The following KCNH1 variants were observed in gnomAD, a reference collection of about 807,000 sequenced individuals.
The protein encoded by KCNH1 is voltage-gated delayed rectifier potassium channel KCNH1.
Under a neutral mutation model 69.2 loss-of-function variants are expected in KCNH1, and 27 were observed. The observed-to-expected ratio is 0.39, with a 90% CI of 0.29 to 0.54. KCNH1 has a LOEUF of 0.54. KCNH1 is among the 20% of genes least tolerant of loss of function. The pLI is 0.68. For missense variants in KCNH1, 798 were observed against 1,261.6 expected (o/e 0.63, Z 5.57); for synonymous variants, 456 against 487.7 (o/e 0.93, Z 0.86).
intron 7 of KCNH1, among the ~76,000 whole-genome samples, chr1:210,849,365 C>CTTTTTTTTT (rs150451228): frequency 2.3e-5 from 3 of 128,040 alleles, no homozygotes; most frequent in Non-Finnish European, 4.9e-5. Context: ...TTCTTTCTTT[C>CTTTTTTTTT]TTTTTTTTTT....
intron 6 of KCNH1, among the ~76,000 whole-genome samples, chr1:211,004,841 C>T (rs1282439991): frequency 6.6e-6 from 1 of 151,984 alleles, no homozygotes; most frequent in Admixed American, 6.6e-5. Flanking sequence ...TGGTGTTGCT[C>T]TATTAATATC....
At chr1:211,057,522 C>T (rs1690335088) in intron 5 of KCNH1, among the ~76,000 whole-genome samples, 1 of 152,010 alleles carries the variant, frequency 6.6e-6, no homozygotes, top group East Asian at 1.9e-4. Context: ...GCTTGTAGTC[C>T]CAGTTACTTG....
Position 211,065,897 on chromosome 1 carries a change from C to CA in KCNH1, c.558+16882dup, listed in dbSNP as rs1028230724. Among the ~76,000 whole-genome samples the CA allele has an allele frequency of 2.4e-4, 37 of 151,864 alleles. 1 individual carries two copies. The highest frequency in any genetic ancestry group is 2.6e-4 in the Admixed American group (4 of 15,252). ...CAACACAGTGAGACCCCCATCTCTA[C>CA]AAAAAAATGGAAAAATTAGGCATGG... On this transcript the variant is annotated intron_variant, in intron 5 of 10. Coordinates refer to ENST00000271751, the MANE Select transcript of KCNH1 (RefSeq NM_172362.3).
chr1:210,952,103 T>G (rs369478190), intron 6 of KCNH1, among the ~76,000 whole-genome samples: 1 of 152,312 alleles, frequency 6.6e-6, no homozygotes, highest in African/African-American at 2.4e-5. Flanking sequence ...GCACTTGGTC[T>G]TCCTCTCTGT....
chr1:210,690,981 C>T (rs1049657383), intron 10 of KCNH1, among the ~76,000 whole-genome samples: 1 of 152,188 alleles, frequency 6.6e-6, no homozygotes, highest in African/African-American at 2.4e-5. Flanking sequence ...CATGTGCACA[C>T]GCTTTGGAAG....
At chr1:210,729,852 A>C (rs11119583) in intron 10 of KCNH1, among the ~76,000 whole-genome samples, 102,333 of 152,052 alleles carry the variant, frequency 0.67, 35,210 homozygotes, top group Non-Finnish European at 0.75. Flanking sequence ...AAGTCAACAC[A>C]AGAGCCATGT....
intron 3 of KCNH1, among the ~76,000 whole-genome samples, chr1:211,100,670 T>C (rs958164465): frequency 6.6e-6 from 1 of 152,170 alleles, no homozygotes; most frequent in African/African-American, 2.4e-5. Context: ...TTTATATATT[T>C]ATTTACTCCA....
At chr1:210,981,321 TAGTCCCAGGGGCTCCTCA>T (rs1487662553) in intron 6 of KCNH1, among the ~76,000 whole-genome samples, 1 of 131,108 alleles carries the variant, frequency 7.6e-6, no homozygotes, top group East Asian at 2.3e-4. Context: ...CAACTACATC[TAGTCCCAGGGGCTCCTCA>T]GTCCATGAAT....
At chr1:210,975,603 G>T (rs1378761263) in intron 6 of KCNH1, among the ~76,000 whole-genome samples, 1 of 152,150 alleles carries the variant, frequency 6.6e-6, no homozygotes, top group African/African-American at 2.4e-5. Flanking sequence ...ATTAATTGAA[G>T]ATGGATTAAA....
intron 10 of KCNH1, among the ~76,000 whole-genome samples, chr1:210,711,822 A>AAAC (rs1682082328): frequency 6.6e-6 from 1 of 152,202 alleles, no homozygotes. Context: ...GGGGCAGGAT[A>AAAC]AACAACTGCT....
At chr1:211,013,439 G>T (rs1689436079) in intron 6 of KCNH1, among the ~76,000 whole-genome samples, 2 of 152,120 alleles carry the variant, frequency 1.3e-5, no homozygotes, top group Admixed American at 1.3e-4. Context: ...CCCCTCAGCT[G>T]TAAGAAAGGT....
chr1:210,770,654 G>A (rs190045857), intron 10 of KCNH1, among the ~76,000 whole-genome samples: 60 of 152,372 alleles, frequency 3.9e-4, no homozygotes, highest in African/African-American at 1.4e-3. Context: ...CACTACGAGG[G>A]GGAAATTTGT....
chr1:210,961,357 G>C (rs1688289342), intron 6 of KCNH1, among the ~76,000 whole-genome samples: 1 of 151,730 alleles, frequency 6.6e-6, no homozygotes, highest in Non-Finnish European at 1.5e-5. Flanking sequence ...CATTGGGACA[G>C]TTTATGCTTA....
chr1:211,107,181 G>T (rs1691362139), intron 2 of KCNH1, 73 bp downstream of exon 2: 3 of 1,545,338 alleles, frequency 1.9e-6, no homozygotes, highest in Non-Finnish European at 2.7e-6. Context: ...ATTCCCGAAT[G>T]CAGTAAACCA....
intron 7 of KCNH1, among the ~76,000 whole-genome samples, chr1:210,821,014 C>T (rs907210289): frequency 2.6e-5 from 4 of 152,282 alleles, no homozygotes; most frequent in East Asian, 1.9e-4. Flanking sequence ...TCTATTATAG[C>T]GCAATAGGAA....
intron 7 of KCNH1, among the ~76,000 whole-genome samples, chr1:210,863,973 ACCT>A (rs1480773996): frequency 2.4e-5 from 2 of 82,196 alleles, no homozygotes; most frequent in Admixed American, 1.1e-4. Flanking sequence ...CAATTAGGAA[ACCT>A]GCTGCTAACT....
intron 6 of KCNH1, among the ~76,000 whole-genome samples, chr1:211,013,641 C>T (rs1689440758): frequency 6.6e-6 from 1 of 152,222 alleles, no homozygotes; most frequent in Non-Finnish European, 1.5e-5. Context: ...AAACAGCTGC[C>T]ATCAGGCAAA....
In KCNH1 at chr1:210,922,100, G is replaced by A. The variant is rs188304400; in HGVS notation, c.1033-2031C>T. 8.6e-5 allele frequency among the ~76,000 whole-genome samples: 13 copies of A among 152,020 alleles called. No homozygotes were observed. The East Asian group carries it at 2.3e-3, about 27-fold the overall frequency. On this transcript the variant is annotated intron_variant, in intron 6 of 10. Coordinates refer to ENST00000271751, the MANE Select transcript of KCNH1 (RefSeq NM_172362.3). ...TTGCCCTTTAAAAAAAAAACTGACG[G>A]GCCAGGCGCGGTGGCTCATGCCTGT...
At chr1:210,912,177 G>C (rs1687245467) in intron 7 of KCNH1, among the ~76,000 whole-genome samples, 1 of 152,178 alleles carries the variant, frequency 6.6e-6, no homozygotes, top group South Asian at 2.1e-4. Flanking sequence ...AAACTTCCCA[G>C]TATGACCTGG....
Sources: gnomAD v4.1 joint callset for allele counts (sites outside exome capture counted in the v4.1 genomes callset) on GRCh38, gnomAD v4.1.1 for gene constraint, MANE v1.5 for transcripts, NCBI Gene and HGNC (gene_info 2026-07-23, HGNC 2026-07-21) for gene names.